The following VPS13C variants were observed in gnomAD, a reference collection of about 807,000 sequenced individuals.
The protein encoded by VPS13C is intermembrane lipid transfer protein VPS13C.
Under a neutral mutation model 456.8 loss-of-function variants are expected in VPS13C, and 358 were observed. That is an observed-to-expected ratio of 0.78 (90% CI 0.72 to 0.86). The LOEUF (loss-of-function observed/expected upper bound fraction) is 0.86. VPS13C is among the 40% of genes least tolerant of loss of function. The pLI, the probability that VPS13C is intolerant of heterozygous loss-of-function variation, is 0.00. For missense variants in VPS13C, 4,818 were observed against 4,385.4 expected, an observed-to-expected ratio of 1.10 and a Z score of -2.79; for synonymous variants, 1,578 against 1,486.7, an observed-to-expected ratio of 1.06 and a Z score of -1.41.
At chr15:61,909,748 T>A (rs2043248634) in intron 64 of VPS13C, among the ~76,000 whole-genome samples, 1 of 152,186 alleles carries the variant, frequency 6.6e-6, no homozygotes, top group Non-Finnish European at 1.5e-5. Flanking sequence ...TGCATAGTAT[T>A]CCATGGTGTA....
At position 61,947,262 on chromosome 15, in the gene VPS13C, C is replaced by A; in HGVS notation, c.4807G>T (p.Ala1603Ser). 1 of 1,609,424 alleles carries A rather than the reference C, an allele frequency of 6.2e-7. No individual in the cohort carries two copies. Among genetic ancestry groups the A allele is most frequent in the Non-Finnish European group, 8.5e-7 (1 of 1,178,528 alleles). ...QKDVFDLKIT[A>S]ELNAFNVFVC... is the part of the protein sequence containing the mutation. Reference sequence around the variant, plus strand: ...AAGACATTAAATGCATTTAATTCAGCTGTGATCTTTAAATCAAACACATCC... The same window carrying A: ...AAGACATTAAATGCATTTAATTCAGATGTGATCTTTAAATCAAACACATCC... Residue 1603 changes from alanine to serine, a missense_variant, in exon 43 of 85, where the codon GCT (alanine) becomes TCT (serine). Physicochemically the swap from Ala to Ser is moderately conservative, Grantham distance 99. This residue lies in a region of VPS13C where 4,552 missense variants were observed against 4,130.6 expected (regional missense o/e 1.10). Coordinates refer to ENST00000644861, the MANE Select transcript of VPS13C (RefSeq NM_020821.3).
intron 76 of VPS13C, 78 bp from the exon 77 acceptor site, chr15:61,875,029 G>A (rs534660030): frequency 4.8e-5 from 61 of 1,266,390 alleles, no homozygotes; most frequent in Non-Finnish European, 6.1e-5. Context: ...TTCAGGGTTT[G>A]CAAGAAGAAT....
intron 1 of VPS13C, among the ~76,000 whole-genome samples, chr15:62,054,528 A>G (rs1184379125): frequency 6.6e-6 from 1 of 152,214 alleles, no homozygotes; most frequent in Non-Finnish European, 1.5e-5. Context: ...CAATGACAAC[A>G]CATGGACACA....
At chr15:61,987,709 C>T (rs374675506) in intron 18 of VPS13C, among the ~76,000 whole-genome samples, 2 of 152,040 alleles carry the variant, frequency 1.3e-5, no homozygotes, top group Non-Finnish European at 2.9e-5. Flanking sequence ...ATATCAAATC[C>T]GCTAAAATGG....
chr15:61,916,786 T>C (rs1003078330), intron 60 of VPS13C, among the ~76,000 whole-genome samples: 1 of 151,926 alleles, frequency 6.6e-6, no homozygotes. Flanking sequence ...ACAGTAATTA[T>C]TTTTTTTATT....
chr15:61,964,194 C>T (rs111829796), intron 31 of VPS13C, among the ~76,000 whole-genome samples: 1 of 151,996 alleles, frequency 6.6e-6, no homozygotes, highest in African/African-American at 2.4e-5. Flanking sequence ...TAAATAAGGA[C>T]ACTGAACCTC....
At chr15:62,006,043 C>T (rs1020399320) in intron 15 of VPS13C, among the ~76,000 whole-genome samples, 1 of 151,446 alleles carries the variant, frequency 6.6e-6, no homozygotes, top group Non-Finnish European at 1.5e-5. Context: ...AAGACCTCTT[C>T]TTTCCCGAGA....
rs1317382813 is a variant in VPS13C, at chr15:61,931,396, A to C, written c.5869-137T>G. The stretch of plus-strand genomic sequence containing the variant: ...AAAAGTATGAGTGCTAAAACATCTG[A>C]ATGGAACAGAGAATAATATGCATGT... On this transcript the variant is annotated intron_variant, in intron 49 of 84. Coordinates refer to ENST00000644861, the MANE Select transcript of VPS13C (RefSeq NM_020821.3). 3 of 815,764 alleles carry C rather than the reference A, an allele frequency of 3.7e-6. No homozygotes were observed. The African/African-American group carries it at 5.2e-5, about 14-fold the overall frequency. 50.5% of individuals were successfully genotyped at this position (815,764 alleles called of 1,614,324 possible). A position where few individuals can be genotyped will look rare whatever the true frequency, so the allele number is the denominator to read the frequency against.
chr15:61,963,716 G>T, intron 32 of VPS13C, 119 bp downstream of exon 32: 1 of 704,846 alleles, frequency 1.4e-6, no homozygotes, highest in Non-Finnish European at 2.4e-6. Context: ...ATCCAATTAC[G>T]TCTTTTCAGG....
At chr15:62,028,658 A>T (rs539633283) in intron 5 of VPS13C, among the ~76,000 whole-genome samples, 1 of 152,088 alleles carries the variant, frequency 6.6e-6, no homozygotes, top group Non-Finnish European at 1.5e-5. Flanking sequence ...TCATTTCAAA[A>T]TATGTGAGGC....
intron 39 of VPS13C, among the ~76,000 whole-genome samples, chr15:61,951,490 G>T (rs1023291486): frequency 3.3e-5 from 5 of 152,102 alleles, no homozygotes; most frequent in African/African-American, 1.2e-4. Context: ...GGAAGGACAT[G>T]AGACTACAGA....
chr15:61,922,842 C>T, intron 53 of VPS13C, 80 bp from the exon 54 acceptor site: 2 of 1,098,900 alleles, frequency 1.8e-6, no homozygotes, highest in Non-Finnish European at 1.2e-6. Context: ...TTTTAAGTGA[C>T]ATACATTAAT....
At chr15:61,866,332 G>T in intron 81 of VPS13C, 1 of 983,578 alleles carries the variant, frequency 1.0e-6, no homozygotes, top group East Asian at 1.1e-4. Context: ...TATATGTTCA[G>T]ACAAAATAAT....
In VPS13C at chr15:61,931,076, C is replaced by T. The variant is rs376987826; in HGVS notation, c.6038+14G>A. On this transcript the variant is annotated intron_variant, in intron 50 of 84. Coordinates refer to ENST00000644861, the MANE Select transcript of VPS13C (RefSeq NM_020821.3). ...AACCTTAAATAATGTATTGCAAACTCAGAGCTGACAAACCTCGATGTTGCT... is the reference window on the plus strand; with the variant it reads ...AACCTTAAATAATGTATTGCAAACTTAGAGCTGACAAACCTCGATGTTGCT... 9 of 1,613,758 alleles carry T rather than the reference C, an allele frequency of 5.6e-6. No homozygotes were observed. The East Asian group carries it at 2.0e-4, about 36-fold the overall frequency.
intron 9 of VPS13C, among the ~76,000 whole-genome samples, chr15:62,015,318 G>C (rs2047193569): frequency 6.6e-6 from 1 of 152,118 alleles, no homozygotes; most frequent in African/African-American, 2.4e-5. Flanking sequence ...TGTTCACTCT[G>C]ATGGTAGTTT....
intron 10 of VPS13C, among the ~76,000 whole-genome samples, chr15:62,013,583 T>A (rs1168011882): frequency 6.6e-6 from 1 of 151,996 alleles, no homozygotes; most frequent in Non-Finnish European, 1.5e-5. Flanking sequence ...TAGTTTAAAA[T>A]AAAATGAAAC....
At chr15:62,000,478 T>G in intron 16 of VPS13C, 86 bp downstream of exon 16, 1 of 1,306,924 alleles carries the variant, frequency 7.7e-7, no homozygotes, top group Non-Finnish European at 1.1e-6. Context: ...AAACCTCACC[T>G]CGTGAAACTT....
At chr15:62,020,342 G>C (rs2047417242) in intron 9 of VPS13C, 137 bp downstream of exon 9, 1 of 616,234 alleles carries the variant, frequency 1.6e-6, no homozygotes, top group African/African-American at 1.9e-5. Flanking sequence ...TAAACTTCTA[G>C]AAAAGTTGTT....
chr15:61,895,452 G>C (rs2042779061), intron 66 of VPS13C, among the ~76,000 whole-genome samples: 1 of 152,038 alleles, frequency 6.6e-6, no homozygotes, highest in Non-Finnish European at 1.5e-5. Context: ...CAAACTTTTA[G>C]CTAGACTACA....
Sources: gnomAD v4.1 joint callset for allele counts (sites outside exome capture counted in the v4.1 genomes callset) on GRCh38, gnomAD v4.1.1 for gene constraint, gnomAD v4.1.1 regional missense constraint, MANE v1.5 for transcripts, NCBI Gene and HGNC (gene_info 2026-07-23, HGNC 2026-07-21) for gene names.